The following FBXO31 variants were observed in gnomAD, a reference collection of about 807,000 sequenced individuals.
FBXO31 encodes the protein F-box only protein 31.
A neutral mutation model predicts 54.4 loss-of-function variants in FBXO31; 24 were observed. The ratio of observed to expected loss-of-function variants is 0.44; its 90% confidence interval spans 0.32 to 0.62. The LOEUF (loss-of-function observed/expected upper bound fraction) is 0.62, where lower values mean the gene tolerates loss of function less well. Among genes scored for constraint, FBXO31 ranks in the 20% least tolerant of loss-of-function variants. The probability of loss-of-function intolerance (pLI) is 0.05; values close to 1 mark genes in which losing one functional copy is unlikely to be tolerated. For synonymous variants in FBXO31, 388 were observed against 335.6 expected (o/e 1.16, Z -1.71); for missense variants, 665 against 787.1 (o/e 0.84, Z 1.86).
intron 5 of FBXO31, among the ~76,000 whole-genome samples, chr16:87,341,448 G>C (rs923785889): frequency 1.3e-5 from 2 of 152,030 alleles, no homozygotes; most frequent in Non-Finnish European, 2.9e-5. Flanking sequence ...CTGAGGTCAG[G>C]AGTTCGAGAC....
chr16:87,361,948 G>A (rs147167547), intron 1 of FBXO31, among the ~76,000 whole-genome samples: 3 of 152,346 alleles, frequency 2.0e-5, no homozygotes, highest in East Asian at 3.9e-4. Flanking sequence ...CCCCCTTAGC[G>A]GGAGGACCTG....
upstream of FBXO31, among the ~76,000 whole-genome samples, chr16:87,384,591 C>T (rs369957815): frequency 6.6e-6 from 1 of 152,212 alleles, no homozygotes; most frequent in Non-Finnish European, 1.5e-5. Flanking sequence ...GGGTGGTGAC[C>T]GCGAAGGCGT....
intron 1 of FBXO31, among the ~76,000 whole-genome samples, chr16:87,372,346 C>T (rs1370493463): frequency 1.3e-5 from 2 of 152,162 alleles, no homozygotes; most frequent in African/African-American, 4.8e-5. Flanking sequence ...AACTGCCCTC[C>T]TTCCCATTGA....
chr16:87,341,550 G>C (rs1307070690), intron 5 of FBXO31, among the ~76,000 whole-genome samples: 2 of 151,452 alleles, frequency 1.3e-5, no homozygotes, highest in Non-Finnish European at 2.9e-5. Context: ...CAGCTCCTCA[G>C]GAGGCTGAGG....
chr16:87,389,345 TA>T (rs1201600902), intron 1 of FBXO31, among the ~76,000 whole-genome samples: 1 of 152,182 alleles, frequency 6.6e-6, no homozygotes, highest in Non-Finnish European at 1.5e-5. Context: ...ACTTCAGTCC[TA>T]TATTTCAAAA....
At chr16:87,382,389 C>G (rs558746937) in intron 1 of FBXO31, among the ~76,000 whole-genome samples, 4 of 152,296 alleles carry the variant, frequency 2.6e-5, no homozygotes, top group Non-Finnish European at 5.9e-5. Context: ...TTCTGCATCG[C>G]TTGGATGTTT....
rs1369679195 is a variant in FBXO31, at chr16:87,328,698, G to C, written c.*2590C>G. 6.6e-6 allele frequency: 1 copy of C among 152,232 alleles called. No individual in the cohort carries two copies. Among genetic ancestry groups the C allele is most frequent in the Non-Finnish European group, 1.5e-5 (1 of 68,066 alleles). The allele number at this position is 152,232 out of a possible 1,614,324, so 9.4% of individuals were successfully genotyped here. A position where few individuals can be genotyped will look rare whatever the true frequency, so the allele number is the denominator to read the frequency against. ...GACAAAGAACACGTTCAGGTGTGCA[G>C]AGCTGCACTGCAGGCAGCCCCACTC... On this transcript the variant is annotated 3_prime_UTR_variant, in exon 9 of 9. Transcript: ENST00000311635.
intron 1 of FBXO31, among the ~76,000 whole-genome samples, chr16:87,377,261 G>T (rs552608709): frequency 6.6e-6 from 1 of 152,192 alleles, no homozygotes; most frequent in Admixed American, 6.5e-5. Context: ...CCTGGGCAAC[G>T]TGGTAAAAAT....
At chr16:87,360,842 G>C (rs1365763171) in intron 1 of FBXO31, among the ~76,000 whole-genome samples, 1 of 152,170 alleles carries the variant, frequency 6.6e-6, no homozygotes, top group Admixed American at 6.5e-5. Context: ...GACCGTGCAA[G>C]ACATGGGGGA....
chr16:87,352,880 C>T (rs561987847), intron 2 of FBXO31, among the ~76,000 whole-genome samples: 9 of 152,228 alleles, frequency 5.9e-5, no homozygotes, highest in East Asian at 1.9e-4. Flanking sequence ...CCGGCCCAGG[C>T]GCCGGCACAT....
At chr16:87,366,578 G>C (rs1003670083) in intron 1 of FBXO31, among the ~76,000 whole-genome samples, 1 of 152,168 alleles carries the variant, frequency 6.6e-6, no homozygotes, top group Admixed American at 6.5e-5. Context: ...GGCATGCAGG[G>C]GTCACCTGGA....
intron 7 of FBXO31, 108 bp from the exon 8 acceptor site, chr16:87,334,394 C>T: frequency 9.9e-7 from 1 of 1,005,690 alleles, no homozygotes; most frequent in South Asian, 1.6e-5. Flanking sequence ...GGCACCAGCC[C>T]TCCTACTGAC....
At chr16:87,372,034 G>A (rs577008508) in intron 1 of FBXO31, among the ~76,000 whole-genome samples, 2 of 152,170 alleles carry the variant, frequency 1.3e-5, no homozygotes, top group South Asian at 2.1e-4. Flanking sequence ...GACCAGTCTG[G>A]ACAACATGGC....
At chr16:87,350,900 C>G (rs1449063034) in intron 2 of FBXO31, among the ~76,000 whole-genome samples, 1 of 152,218 alleles carries the variant, frequency 6.6e-6, no homozygotes, top group African/African-American at 2.4e-5. Context: ...CAGCAGCCTG[C>G]GAGATGCCAG....
chr16:87,351,405 G>GT (rs1722801810), intron 2 of FBXO31, among the ~76,000 whole-genome samples: 1 of 152,054 alleles, frequency 6.6e-6, no homozygotes. Flanking sequence ...TTGGGCTCTG[G>GT]TGGCGGGGGA....
chr16:87,335,262 G>A lies in FBXO31; in HGVS notation c.996+42C>T. 6.2e-7 allele frequency: 1 copy of A among 1,608,692 alleles called. No individual in the cohort carries two copies. The highest frequency in any genetic ancestry group is 2.2e-5 in the East Asian group (1 of 44,878). On this transcript the variant is annotated intron_variant, in intron 7 of 8. Transcript: ENST00000311635. This position sits in a 1 kb window ranked among gnomAD's most constrained non-coding sequence, Gnocchi z 5.7. ...CTGACTCCACAGCCCACTTGGGCCA[G>A]GTGCCCCCAGAGCCCCACCAACCAG...
rs191493933 is a variant in FBXO31 at position 87,369,085 on chromosome 16, G to A, written c.341-8719C>T. Among the ~76,000 whole-genome samples, 9 of 152,072 alleles carry A rather than the reference G, an allele frequency of 5.9e-5. No individual in the cohort carries two copies. In the East Asian group the frequency reaches 1.3e-3, roughly 23 times the overall value. On this transcript the variant is annotated intron_variant, in intron 1 of 8. Coordinates refer to ENST00000311635, the MANE Select transcript of FBXO31 (RefSeq NM_024735.5). ...AATACAGGCGTGAACCACTGCACCC[G>A]GCCTTTATTTTTTTTATTTTTTATT...
chr16:87,343,093 C>T (rs563003345), intron 4 of FBXO31, 142 bp from the exon 5 acceptor site: 173 of 644,574 alleles, frequency 2.7e-4, no homozygotes, highest in Non-Finnish European at 3.6e-4. Flanking sequence ...GCGACCAACG[C>T]GGTGCCAGCG....
At position 87,338,625 on chromosome 16, in the gene FBXO31, C is replaced by T. The variant is rs889351389; in HGVS notation, c.733-2361G>A. On this transcript the variant is annotated intron_variant, in intron 5 of 8. Coordinates refer to ENST00000311635, the MANE Select transcript of FBXO31 (RefSeq NM_024735.5). This position sits in a 1 kb window ranked among gnomAD's most constrained non-coding sequence, Gnocchi z 4.3. ...GAACCCACAACCCTGGGAACATCAT[C>T]AGATCATGCCAGTGACGCAGCCTGG... 6.6e-6 allele frequency among the ~76,000 whole-genome samples: 1 copy of T among 152,202 alleles called. No homozygotes were observed. The highest frequency in any genetic ancestry group is 2.4e-5 in the African/African-American group (1 of 41,450).
Sources: allele counts gnomAD v4.1 joint callset (sites outside exome capture counted in the v4.1 genomes callset), GRCh38; gene constraint gnomAD v4.1.1; non-coding constraint Gnocchi (gnomAD v3.1); transcripts MANE v1.5; gene names NCBI Gene and HGNC (gene_info 2026-07-23, HGNC 2026-07-21).